The following LDB2 variants were observed in gnomAD, a reference collection of about 807,000 sequenced individuals.
The protein encoded by LDB2 is LIM domain binding 2, also known as LIM domain-binding protein 2.
Under a neutral mutation model 44.3 loss-of-function variants are expected in LDB2, and 12 were observed. That is an observed-to-expected ratio of 0.27 (90% CI 0.17 to 0.44). LDB2 has a LOEUF of 0.44. LDB2 is among the 20% of genes least tolerant of loss of function. LDB2 has a pLI of 1.00. For missense variants in LDB2, 344 were observed against 473.5 expected, an observed-to-expected ratio of 0.73 and a Z score of 2.54; for synonymous variants, 164 against 174.8, an observed-to-expected ratio of 0.94 and a Z score of 0.49.
intron 2 of LDB2, among the ~76,000 whole-genome samples, chr4:16,719,009 T>C (rs1200136504): frequency 6.6e-6 from 1 of 151,980 alleles, no homozygotes; most frequent in Non-Finnish European, 1.5e-5. Context: ...ATTGTACAAA[T>C]TGAAACTCAA....
At chr4:16,512,364 G>A (rs529027517) in intron 5 of LDB2, among the ~76,000 whole-genome samples, 14 of 151,806 alleles carry the variant, frequency 9.2e-5, no homozygotes, top group Non-Finnish European at 1.6e-4. Flanking sequence ...ACACATATAC[G>A]TGTACACACA....
At chr4:16,589,329 G>A (rs1044486649) in intron 3 of LDB2, among the ~76,000 whole-genome samples, 1 of 152,088 alleles carries the variant, frequency 6.6e-6, no homozygotes, top group African/African-American at 2.4e-5. Context: ...ATTCCGGAGG[G>A]CAATGTTTAA....
At chr4:16,796,524 A>G (rs1776776696) in intron 1 of LDB2, among the ~76,000 whole-genome samples, 1 of 152,214 alleles carries the variant, frequency 6.6e-6, no homozygotes, top group South Asian at 2.1e-4. Flanking sequence ...GGAAGAGATG[A>G]GACACATTTC....
chr4:16,523,497 C>T (rs1367333941), intron 5 of LDB2, among the ~76,000 whole-genome samples: 3 of 152,120 alleles, frequency 2.0e-5, no homozygotes, highest in Non-Finnish European at 4.4e-5. Flanking sequence ...CATTTTGGGA[C>T]CATTATTAAT....
intron 1 of LDB2, among the ~76,000 whole-genome samples, chr4:16,851,088 G>A (rs534135608): frequency 6.6e-6 from 1 of 151,858 alleles, no homozygotes; most frequent in East Asian, 1.9e-4. Context: ...TGGAAGCAGT[G>A]GGGTGCTAGT....
At chr4:16,540,069 TG>T (rs1733233963) in intron 5 of LDB2, among the ~76,000 whole-genome samples, 1 of 151,016 alleles carries the variant, frequency 6.6e-6, no homozygotes, top group East Asian at 2.0e-4. Flanking sequence ...AGAGCAGGAG[TG>T]GTGGGGGAGA....
intron 1 of LDB2, among the ~76,000 whole-genome samples, chr4:16,804,086 A>G (rs1225791215): frequency 6.6e-6 from 1 of 152,154 alleles, no homozygotes; most frequent in Admixed American, 6.5e-5. Context: ...AGTTTTTTTA[A>G]TTGATCCATG....
chr4:16,639,134 C>A (rs1734446705), intron 2 of LDB2, among the ~76,000 whole-genome samples: 1 of 152,090 alleles, frequency 6.6e-6, no homozygotes, highest in Non-Finnish European at 1.5e-5. Context: ...GTATTATAAT[C>A]CTTACTTGGT....
intron 5 of LDB2, among the ~76,000 whole-genome samples, chr4:16,583,999 G>A (rs1004849978): frequency 4.6e-5 from 7 of 152,154 alleles, no homozygotes; most frequent in African/African-American, 1.7e-4. Context: ...ATGGAACGAA[G>A]GCAGGGAAGG....
At chr4:16,511,711 AATGACCTTCTTG>A (rs1287466043) in intron 6 of LDB2, among the ~76,000 whole-genome samples, 1 of 152,316 alleles carries the variant, frequency 6.6e-6, no homozygotes, top group East Asian at 1.9e-4. Flanking sequence ...CAGCTTTGCC[AATGACCTTCTTG>A]ATGACCTTGA....
At position 16,785,932 on chromosome 4, in the gene LDB2, C is replaced by CAA. The variant is rs139274858; in HGVS notation, c.133-26674_133-26673dup. On this transcript the variant is annotated intron_variant, in intron 1 of 7. Transcript: ENST00000304523. ...CTCCTTAAGTTTTGAAAGCAAAACT[C>CAA]AAGAGACTCTCCCCAAAATGAATTA... is the stretch of plus-strand genomic sequence containing the variant. Among the ~76,000 whole-genome samples the CAA allele has an allele frequency of 4.8e-3, 727 of 152,152 alleles. 8 individuals carry two copies. Among genetic ancestry groups the CAA allele is most frequent in the African/African-American group, 0.017 (688 of 41,522 alleles).
intron 5 of LDB2, among the ~76,000 whole-genome samples, chr4:16,569,962 A>C (rs1745823625): frequency 6.6e-6 from 1 of 152,190 alleles, no homozygotes; most frequent in South Asian, 2.1e-4. Flanking sequence ...TGCTGCAGGC[A>C]TTCAGTCCAT....
intron 1 of LDB2, among the ~76,000 whole-genome samples, chr4:16,834,841 G>T (rs1487458049): frequency 6.7e-6 from 1 of 150,230 alleles, no homozygotes; most frequent in Non-Finnish European, 1.5e-5. Context: ...AAAAAAAAAG[G>T]CAGGAGTCAA....
chr4:16,683,818 G>A (rs1444481619), intron 2 of LDB2, among the ~76,000 whole-genome samples: 1 of 152,190 alleles, frequency 6.6e-6, no homozygotes, highest in Non-Finnish European at 1.5e-5. Flanking sequence ...TCAATAGGAA[G>A]CTTACCTTGC....
At chr4:16,669,306 C>T (rs1180707144) in intron 2 of LDB2, among the ~76,000 whole-genome samples, 1 of 152,168 alleles carries the variant, frequency 6.6e-6, no homozygotes, top group Admixed American at 6.5e-5. Context: ...GTTCTGCCTG[C>T]ACTAGCCTCC....
At chr4:16,665,986 G>T (rs1004446521) in intron 2 of LDB2, among the ~76,000 whole-genome samples, 5 of 152,152 alleles carry the variant, frequency 3.3e-5, no homozygotes, top group Admixed American at 3.3e-4. Context: ...CAGGATGGGG[G>T]CCTGGAACAA....
chr4:16,801,247 C>T (rs1472190410), intron 1 of LDB2, among the ~76,000 whole-genome samples: 4 of 152,280 alleles, frequency 2.6e-5, no homozygotes, highest in South Asian at 4.1e-4. Context: ...CTTCATGAAC[C>T]ACAGCACTTT....
intron 2 of LDB2, among the ~76,000 whole-genome samples, chr4:16,635,777 A>G (rs1733425792): frequency 6.6e-6 from 1 of 152,100 alleles, no homozygotes; most frequent in African/African-American, 2.4e-5. Context: ...CCACCCTCCT[A>G]TATGTGCTGT....
chr4:16,835,103 A>C (rs561824280), intron 1 of LDB2, among the ~76,000 whole-genome samples: 1 of 152,342 alleles, frequency 6.6e-6, no homozygotes, highest in Non-Finnish European at 1.5e-5. Context: ...TTACAGACAT[A>C]TCTTACATTC....
Sources: allele counts gnomAD v4.1 joint callset (sites outside exome capture counted in the v4.1 genomes callset), GRCh38; gene constraint gnomAD v4.1.1; transcripts MANE v1.5; gene names NCBI Gene and HGNC (gene_info 2026-07-23, HGNC 2026-07-21).